The following ANKRD36 variants were observed in gnomAD, a reference collection of about 807,000 sequenced individuals.
The protein encoded by ANKRD36 is ankyrin repeat domain 36.
In ANKRD36, 179 loss-of-function variants were observed where a neutral mutation model predicts 278.1. The ratio of observed to expected loss-of-function variants is 0.64; its 90% CI spans 0.57 to 0.73. ANKRD36 has a LOEUF of 0.73. ANKRD36 is among the 30% of genes least tolerant of loss of function. The pLI is 0.00. For synonymous variants in ANKRD36, 320 were observed against 641.1 expected, an observed-to-expected ratio of 0.50 and a Z score of 7.57; for missense variants, 1,159 against 1,956.7, an observed-to-expected ratio of 0.59 and a Z score of 7.69.
chr2:97,228,887 G>A (rs1310842541), intron 67 of ANKRD36, among the ~76,000 whole-genome samples: 10 of 151,920 alleles, frequency 6.6e-5, no homozygotes, highest in African/African-American at 9.7e-5. Flanking sequence ...CCTTCATTTT[G>A]TTATGTACCC....
chr2:97,207,906 T>C, intron 53 of ANKRD36, 28 bp from the exon 54 acceptor site: 1 of 1,538,118 alleles, frequency 6.5e-7, no homozygotes. Context: ...CTTTATTAAT[T>C]TATTATTTCA....
intron 6 of ANKRD36, among the ~76,000 whole-genome samples, chr2:97,131,061 A>G (rs1443021954): frequency 6.6e-6 from 1 of 152,062 alleles, no homozygotes; most frequent in Admixed American, 6.6e-5. Context: ...AAAATTTTCA[A>G]ACTTGACATA....
chr2:97,194,718 C>A lies in ANKRD36; in HGVS notation c.2450-8C>A, dbSNP rs1307278652. The A allele has an allele frequency of 6.2e-7, 1 of 1,604,672 alleles. No homozygotes were observed. The highest frequency in any genetic ancestry group is 8.5e-7 in the Non-Finnish European group (1 of 1,178,494). ...TGTGAGTGATTATGTATCCCTTTTG[C>A]TTTTCAGTGTCTTCTCGGAAAAAAC... On this transcript the variant is annotated splice_polypyrimidine_tract_variant and splice_region_variant and intron_variant, in intron 38 of 75. Coordinates refer to ENST00000420699, the MANE Select transcript of ANKRD36 (RefSeq NM_001354587.1).
intron 10 of ANKRD36, among the ~76,000 whole-genome samples, chr2:97,145,979 T>A (rs557004770): frequency 2.0e-5 from 3 of 152,150 alleles, no homozygotes; most frequent in African/African-American, 7.2e-5. Context: ...ATGATGAATA[T>A]TTGTAGTATA....
intron 75 of ANKRD36, among the ~76,000 whole-genome samples, chr2:97,260,621 T>C: frequency 1.8e-5 from 2 of 112,988 alleles, no homozygotes. Context: ...AATGTTTTAA[T>C]GTAACCAGCT....
rs1371691006 is a variant in ANKRD36 at position 97,218,143 on chromosome 2, G to A, written c.3775+771G>A. On this transcript the variant is annotated intron_variant, in intron 64 of 75. Transcript: ENST00000420699. ...TTAGTTTTTTTCCAAAGTGCTGGCTGTCTTGTTAAAATAGCTATTTAATGA... is the reference window on the plus strand; with the variant it reads ...TTAGTTTTTTTCCAAAGTGCTGGCTATCTTGTTAAAATAGCTATTTAATGA... Among the ~76,000 whole-genome samples, 188 of 150,026 alleles carry A rather than the reference G, an allele frequency of 1.3e-3. 1 individual carries two copies. The highest frequency in any genetic ancestry group is 4.4e-3 in the African/African-American group (179 of 40,962).
At chr2:97,225,615 TTTTC>T (rs1279417471) in intron 67 of ANKRD36, among the ~76,000 whole-genome samples, 2 of 152,118 alleles carry the variant, frequency 1.3e-5, no homozygotes, top group Non-Finnish European at 2.9e-5. Flanking sequence ...AAGAATTTGC[TTTTC>T]TTTTTTTATT....
chr2:97,157,237 T>C (rs1168053344), intron 15 of ANKRD36, among the ~76,000 whole-genome samples: 4 of 148,856 alleles, frequency 2.7e-5, no homozygotes, highest in South Asian at 2.1e-4. Flanking sequence ...AAATTAAACT[T>C]TTTATTACAT....
intron 52 of ANKRD36, 145 bp from the exon 53 acceptor site, chr2:97,207,665 TC>T (rs1188395136): frequency 7.5e-7 from 1 of 1,328,934 alleles, no homozygotes. Flanking sequence ...TCTGTCATGT[TC>T]TAGTCCCCAG....
In ANKRD36 at chr2:97,148,567, T is replaced by C. The variant is rs373376230; in HGVS notation, c.1035-728T>C. On this transcript the variant is annotated intron_variant, in intron 11 of 75. Transcript: ENST00000420699. Reference sequence around the variant, plus strand: ...TGAAGGTTCTTAAGCTTGCTGGTTTTTGTGGATCTGAATAAGGCAGAATCT... The same window carrying C: ...TGAAGGTTCTTAAGCTTGCTGGTTTCTGTGGATCTGAATAAGGCAGAATCT... Among the ~76,000 whole-genome samples the C allele has an allele frequency of 9.6e-4, 144 of 150,616 alleles. No homozygotes were observed. In the East Asian group the frequency reaches 0.011, roughly 12 times the overall value.
At chr2:97,203,717 G>A (rs1289791731) in intron 48 of ANKRD36, among the ~76,000 whole-genome samples, 3 of 151,798 alleles carry the variant, frequency 2.0e-5, no homozygotes, top group African/African-American at 7.3e-5. Flanking sequence ...GGATCATGTA[G>A]CACCTGCTTT....
chr2:97,185,554 G>A, intron 30 of ANKRD36, 44 bp downstream of exon 30: 10 of 1,587,638 alleles, frequency 6.3e-6, no homozygotes, highest in Non-Finnish European at 8.6e-6. Flanking sequence ...AGTCCAGATA[G>A]AAAAGAACTT....
chr2:97,203,399 A>G (rs1279736469), intron 48 of ANKRD36, among the ~76,000 whole-genome samples: 2 of 151,860 alleles, frequency 1.3e-5, no homozygotes, highest in African/African-American at 4.8e-5. Context: ...CTAATATATT[A>G]TCCCTTCGTG....
At chr2:97,140,108 A>G (rs1302564398) in intron 6 of ANKRD36, among the ~76,000 whole-genome samples, 2 of 151,560 alleles carry the variant, frequency 1.3e-5, no homozygotes, top group Non-Finnish European at 2.9e-5. Context: ...TTTCTGTTCC[A>G]TATTTATTTC....
rs564805560 is a variant in ANKRD36 at position 97,211,427 on chromosome 2, C to T, written c.3368-119C>T. ...TGGTCCCCAGACACAAAGTAGAAGC[C>T]GTCAAGGCCTACACTAATACAGGCT... On this transcript the variant is annotated intron_variant, in intron 56 of 75. Coordinates refer to ENST00000420699, the MANE Select transcript of ANKRD36 (RefSeq NM_001354587.1). The T allele has an allele frequency of 5.9e-5, 86 of 1,454,108 alleles. No individual in the cohort carries two copies. In the African/African-American group the frequency reaches 6.7e-4, roughly 11 times the overall value. The allele number at this position is 1,454,108 out of a possible 1,614,324, so 90.1% of individuals were successfully genotyped here. A position where few individuals can be genotyped will look rare whatever the true frequency, so the allele number is the denominator to read the frequency against.
intron 67 of ANKRD36, among the ~76,000 whole-genome samples, chr2:97,229,412 G>A (rs943726388): frequency 2.7e-4 from 41 of 152,144 alleles, no homozygotes; most frequent in African/African-American, 6.7e-4. Context: ...TGTCTCTTTC[G>A]ATCTTTGTTG....
At chr2:97,192,719 C>G (rs776660008) in intron 36 of ANKRD36, 139 bp from the exon 37 acceptor site, 21 of 1,242,330 alleles carry the variant, frequency 1.7e-5, no homozygotes, top group Non-Finnish European at 2.2e-5. Flanking sequence ...CGTTCTAGTC[C>G]CCAGACTAAA....
chr2:97,159,344 G>A (rs2048275112), intron 17 of ANKRD36, among the ~76,000 whole-genome samples: 1 of 152,028 alleles, frequency 6.6e-6, no homozygotes, highest in Admixed American at 6.6e-5. Context: ...CATATTTAAG[G>A]TAATGTGTAT....
chr2:97,145,811 G>T (rs1395298943), intron 10 of ANKRD36, among the ~76,000 whole-genome samples: 1 of 151,732 alleles, frequency 6.6e-6, no homozygotes, highest in Non-Finnish European at 1.5e-5. Context: ...ATACCACATG[G>T]GTATGAAAAA....
Sources: gnomAD v4.1 joint callset for allele counts (sites outside exome capture counted in the v4.1 genomes callset) on GRCh38, gnomAD v4.1.1 for gene constraint, MANE v1.5 for transcripts, NCBI Gene and HGNC (gene_info 2026-07-23, HGNC 2026-07-21) for gene names.